Variants in HDAC4 observed in about 807,000 individuals in gnomAD.
The protein encoded by HDAC4 is histone deacetylase 4.
A neutral mutation model predicts 135.1 loss-of-function variants in HDAC4; 16 were observed. That is an observed-to-expected ratio of 0.12 (90% CI 0.08 to 0.18). HDAC4 has a LOEUF of 0.18. Among genes scored for constraint, HDAC4 ranks in the 10% least tolerant of loss-of-function variants. The pLI, the probability that HDAC4 is intolerant of heterozygous loss-of-function variation, is 1.00. For missense variants in HDAC4, 1,143 were observed against 1,511.8 expected, an observed-to-expected ratio of 0.76 and a Z score of 4.05; for synonymous variants, 685 against 653.4, an observed-to-expected ratio of 1.05 and a Z score of -0.74.
At position 239,299,459 on chromosome 2, in the gene HDAC4, G is replaced by A. The variant is rs1306380007; in HGVS notation, c.22+53219C>T. Among the ~76,000 whole-genome samples the A allele has an allele frequency of 1.3e-5, 2 of 152,202 alleles. No homozygotes were observed. The highest frequency in any genetic ancestry group is 1.5e-5 in the Non-Finnish European group (1 of 68,042). ...TATTCTGATCCCCTCGCACAACCAC[G>A]GCACTGGGGTGCCGAAACCAGAAGA... On this transcript the variant is annotated intron_variant, in intron 2 of 26. Coordinates refer to ENST00000543185, the MANE Select transcript of HDAC4 (RefSeq NM_001378414.1). This position sits in a 1 kb window ranked among gnomAD's most constrained non-coding sequence, Gnocchi z 4.0.
At chr2:239,323,449 G>A (rs1045757855) in intron 2 of HDAC4, among the ~76,000 whole-genome samples, 1 of 152,176 alleles carries the variant, frequency 6.6e-6, no homozygotes, top group Admixed American at 6.5e-5. Context: ...CTTAACTTTT[G>A]AAACTGGGGA....
intron 2 of HDAC4, among the ~76,000 whole-genome samples, chr2:239,342,847 C>T (rs1275904378): frequency 9.3e-6 from 1 of 107,514 alleles, no homozygotes; most frequent in East Asian, 2.6e-4. Flanking sequence ...GGCCCAGCGT[C>T]GTCTTGGAGG....
intron 3 of HDAC4, among the ~76,000 whole-genome samples, chr2:239,231,024 G>T (rs1456473271): frequency 6.6e-6 from 1 of 152,198 alleles, no homozygotes; most frequent in Non-Finnish European, 1.5e-5. Flanking sequence ...CCTTAGATGT[G>T]GGAATCCAAC....
At chr2:239,092,123 C>T (rs368983707) in intron 17 of HDAC4, among the ~76,000 whole-genome samples, 1 of 152,186 alleles carries the variant, frequency 6.6e-6, no homozygotes, top group African/African-American at 2.4e-5. Context: ...CCTGTAGTCC[C>T]CACAACTCAG....
In HDAC4 at chr2:239,303,055, G is replaced by A. The variant is rs2052363129; in HGVS notation, c.22+49623C>T. ...GGGAGTCCTCAAACCCCCCCCGGGT[G>A]GGAGAGGTCATCACCTCCGCGTACT... On this transcript the variant is annotated intron_variant, in intron 2 of 26. Coordinates refer to ENST00000543185, the MANE Select transcript of HDAC4 (RefSeq NM_001378414.1). This position sits in a 1 kb window ranked among gnomAD's most constrained non-coding sequence, Gnocchi z 5.1. 6.6e-6 allele frequency among the ~76,000 whole-genome samples: 1 copy of A among 152,186 alleles called. No individual in the cohort carries two copies. The highest frequency in any genetic ancestry group is 1.5e-5 in the Non-Finnish European group (1 of 68,024).
intron 2 of HDAC4, among the ~76,000 whole-genome samples, chr2:239,351,197 T>C (rs895042780): frequency 7.2e-5 from 11 of 152,226 alleles, no homozygotes; most frequent in African/African-American, 2.7e-4. Context: ...TAGTGATACT[T>C]AGAAGTTTAC....
chr2:239,264,424 T>C (rs918354049), intron 2 of HDAC4, among the ~76,000 whole-genome samples: 1 of 152,246 alleles, frequency 6.6e-6, no homozygotes. Flanking sequence ...CTGTTAAGAA[T>C]GTGCTAATGT....
Position 239,341,575 on chromosome 2 carries a change from G to A in HDAC4, c.22+11103C>T, listed in dbSNP as rs534809541. 1.3e-4 allele frequency among the ~76,000 whole-genome samples: 20 copies of A among 152,312 alleles called. No individual in the cohort carries two copies. In the South Asian group the frequency reaches 4.1e-3, roughly 32 times the overall value. ...CACATGGAAACCCTGAGTGTGCTCA[G>A]AACAGACTCCACATCCTTGCCTGAA... is the stretch of plus-strand genomic sequence containing the variant. On this transcript the variant is annotated intron_variant, in intron 2 of 26. Coordinates refer to ENST00000543185, the MANE Select transcript of HDAC4 (RefSeq NM_001378414.1).
intron 22 of HDAC4, among the ~76,000 whole-genome samples, chr2:239,080,238 G>A (rs1255849227): frequency 2.0e-5 from 3 of 152,214 alleles, no homozygotes; most frequent in African/African-American, 4.8e-5. Context: ...CGTTTTATAT[G>A]TATGTAAATC....
At chr2:239,061,885 C>A (rs1318847102) in intron 24 of HDAC4, among the ~76,000 whole-genome samples, 1 of 152,186 alleles carries the variant, frequency 6.6e-6, no homozygotes, top group Non-Finnish European at 1.5e-5. Flanking sequence ...CCCTGAAATG[C>A]CCCATGACTA....
At position 239,340,356 on chromosome 2, in the gene HDAC4, T is replaced by C. The variant is rs1172209226; in HGVS notation, c.22+12322A>G. Among the ~76,000 whole-genome samples, 3 of 152,064 alleles carry C rather than the reference T, an allele frequency of 2.0e-5. No homozygotes were observed. The East Asian group carries it at 5.8e-4, about 29-fold the overall frequency. On this transcript the variant is annotated intron_variant, in intron 2 of 26. Transcript: ENST00000543185. ...AATCACAGATAGATGTGAAGGCAGATAGACAATTCAACTGTTCTCAGAAGC... is the reference window on the plus strand; with the variant it reads ...AATCACAGATAGATGTGAAGGCAGACAGACAATTCAACTGTTCTCAGAAGC...
chr2:239,205,208 A>G (rs1337714489), intron 3 of HDAC4, among the ~76,000 whole-genome samples: 1 of 152,230 alleles, frequency 6.6e-6, no homozygotes, highest in Non-Finnish European at 1.5e-5. Flanking sequence ...ATATTTGAAG[A>G]TAGATGGCTG....
intron 12 of HDAC4, among the ~76,000 whole-genome samples, chr2:239,119,730 G>A (rs921617701): frequency 2.0e-5 from 3 of 152,200 alleles, no homozygotes; most frequent in Non-Finnish European, 4.4e-5. Flanking sequence ...CTCACAATGT[G>A]GGCTTTGCTC....
At chr2:239,204,037 A>C (rs2045906680) in intron 3 of HDAC4, among the ~76,000 whole-genome samples, 1 of 152,228 alleles carries the variant, frequency 6.6e-6, no homozygotes, top group Non-Finnish European at 1.5e-5. Flanking sequence ...AAGGGAAATA[A>C]AAAGCTCTTC....
Position 239,090,038 on chromosome 2 carries a change from C to A in HDAC4, c.2359G>T (p.Val787Phe). The change falls in exon 18 of 27, where the codon GTC becomes TTC. Residue 787 changes from valine (V) to phenylalanine (F), a missense_variant. Physicochemically the swap from Val to Phe is conservative, Grantham distance 50. Transcript: ENST00000543185. ...AGCTCCCCTGTGGCCACCTTGAAGA[C>A]CAGCTCTACCACGCAGCCCACAGCC... Reference protein sequence around the residue: ...RLAVGCVVELVFKVATGELKN... With the variant: ...RLAVGCVVELFFKVATGELKN... 2 of 1,613,840 alleles carry A rather than the reference C, an allele frequency of 1.2e-6. No homozygotes were observed. Among genetic ancestry groups the A allele is most frequent in the Non-Finnish European group, 1.7e-6 (2 of 1,179,924 alleles).
At chr2:239,070,355 T>G (rs191139008) in intron 22 of HDAC4, among the ~76,000 whole-genome samples, 202 of 152,338 alleles carry the variant, frequency 1.3e-3, no homozygotes, top group African/African-American at 4.5e-3. Flanking sequence ...TTAAATTATA[T>G]TAGGGAAATA....
chr2:239,209,628 G>A (rs923699501), intron 3 of HDAC4, among the ~76,000 whole-genome samples: 3 of 152,220 alleles, frequency 2.0e-5, no homozygotes, highest in Non-Finnish European at 4.4e-5. Context: ...TGTGAAAAGT[G>A]CTTCTTACGA....
chr2:239,156,859 C>G (rs754213852), intron 6 of HDAC4, 86 bp from the exon 7 acceptor site: 152 of 1,540,328 alleles, frequency 9.9e-5, no homozygotes, highest in Non-Finnish European at 1.3e-4. Flanking sequence ...ACACGATGAT[C>G]TTTCCCTTGA....
intron 16 of HDAC4, among the ~76,000 whole-genome samples, chr2:239,097,548 C>T (rs1466835793): frequency 6.6e-6 from 1 of 152,252 alleles, no homozygotes; most frequent in Admixed American, 6.5e-5. Flanking sequence ...GGCATGTTGG[C>T]CCTGCTCTCC....
Sources: allele counts gnomAD v4.1 joint callset (sites outside exome capture counted in the v4.1 genomes callset), GRCh38; gene constraint gnomAD v4.1.1; non-coding constraint Gnocchi (gnomAD v3.1); transcripts MANE v1.5; gene names NCBI Gene and HGNC (gene_info 2026-07-23, HGNC 2026-07-21).